Variants in HCN1 observed in about 807,000 individuals in gnomAD.
HCN1 encodes the protein hyperpolarization activated cyclic nucleotide gated potassium channel 1.
HCN1 carries 13 observed loss-of-function variants against 78.9 expected under a neutral mutation model. The observed-to-expected ratio is 0.16, with a 90% CI of 0.11 to 0.26. The LOEUF is 0.26. Among genes scored for constraint, HCN1 ranks in the 10% least tolerant of loss-of-function variants. The probability of loss-of-function intolerance (pLI) is 1.00; values close to 1 mark genes in which losing one functional copy is unlikely to be tolerated. For missense variants in HCN1, 810 were observed against 1,154.3 expected, an observed-to-expected ratio of 0.70 and a Z score of 4.32; for synonymous variants, 552 against 455.5, an observed-to-expected ratio of 1.21 and a Z score of -2.70.
chr5:45,665,241 T>C (rs1384157887), intron 1 of HCN1, among the ~76,000 whole-genome samples: 1 of 140,694 alleles, frequency 7.1e-6, no homozygotes, highest in Admixed American at 7.9e-5. Flanking sequence ...AGGTGGGAAT[T>C]GAACAATGAG....
chr5:45,578,887 A>G (rs2111916191), intron 2 of HCN1, among the ~76,000 whole-genome samples: 1 of 152,140 alleles, frequency 6.6e-6, no homozygotes, highest in South Asian at 2.1e-4. Flanking sequence ...AAATAATATA[A>G]TAAATTAAAA....
At chr5:45,342,878 C>G (rs1474638657) in intron 5 of HCN1, among the ~76,000 whole-genome samples, 5 of 151,780 alleles carry the variant, frequency 3.3e-5, no homozygotes. Context: ...AGGGGACTTT[C>G]AAGACAAAAG....
chr5:45,428,655 TTTAATA>T (rs1193074297), intron 3 of HCN1, among the ~76,000 whole-genome samples: 4 of 152,096 alleles, frequency 2.6e-5, no homozygotes, highest in African/African-American at 4.8e-5. Context: ...TTTGAACTGA[TTTAATA>T]TCTTTCATTT....
intron 4 of HCN1, among the ~76,000 whole-genome samples, chr5:45,359,523 T>A (rs1405734821): frequency 2.6e-5 from 4 of 151,770 alleles, no homozygotes; most frequent in African/African-American, 9.7e-5. Flanking sequence ...TACATTGGCA[T>A]CAATACACAT....
intron 2 of HCN1, among the ~76,000 whole-genome samples, chr5:45,529,407 C>T (rs1302864552): frequency 6.6e-6 from 1 of 151,896 alleles, no homozygotes; most frequent in Non-Finnish European, 1.5e-5. Flanking sequence ...TAGAAACTAG[C>T]ATGAGTTCTT....
At chr5:45,391,855 G>A (rs1037699810) in intron 4 of HCN1, among the ~76,000 whole-genome samples, 2 of 151,962 alleles carry the variant, frequency 1.3e-5, no homozygotes, top group Non-Finnish European at 2.9e-5. Flanking sequence ...GAGTAAATAC[G>A]GTAAACAAAT....
chr5:45,400,890 T>C (rs1336485046), intron 3 of HCN1, among the ~76,000 whole-genome samples: 1 of 152,130 alleles, frequency 6.6e-6, no homozygotes, highest in Non-Finnish European at 1.5e-5. Flanking sequence ...TCTGGCTTTT[T>C]TTCCCACAAA....
At chr5:45,534,419 A>AAAAAAAAAAAAAAAAAAAAAAAAAAAT (rs1742922744) in intron 2 of HCN1, among the ~76,000 whole-genome samples, 1 of 124,998 alleles carries the variant, frequency 8.0e-6, no homozygotes, top group Non-Finnish European at 1.8e-5. Flanking sequence ...AAAAAAAAAA[A>AAAAAAAAAAAAAAAAAAAAAAAAAAAT]AAAAAAAAAA....
At chr5:45,602,182 G>T (rs1744638392) in intron 2 of HCN1, among the ~76,000 whole-genome samples, 1 of 152,038 alleles carries the variant, frequency 6.6e-6, no homozygotes, top group Non-Finnish European at 1.5e-5. Context: ...CCAGTCTCAG[G>T]TATTTCTTCC....
chr5:45,357,548 T>C (rs1340565544), intron 4 of HCN1, among the ~76,000 whole-genome samples: 1 of 152,116 alleles, frequency 6.6e-6, no homozygotes, highest in Non-Finnish European at 1.5e-5. Context: ...TTAATATTTT[T>C]AGTTTAAAAA....
chr5:45,490,112 A>C (rs1411441756), intron 2 of HCN1, among the ~76,000 whole-genome samples: 1 of 152,314 alleles, frequency 6.6e-6, no homozygotes, highest in East Asian at 1.9e-4. Flanking sequence ...TTAAAAAGAA[A>C]ATTTCAAACA....
intron 3 of HCN1, among the ~76,000 whole-genome samples, chr5:45,460,718 G>A (rs188554967): frequency 1.1e-4 from 17 of 150,404 alleles, no homozygotes; most frequent in African/African-American, 4.1e-4. Flanking sequence ...AAAAAGGAAG[G>A]AAGGAAGGAG....
chr5:45,305,861 AGGAGGGAG>A lies in HCN1; in HGVS notation c.1378-2030_1378-2023del, dbSNP rs367614154. Among the ~76,000 whole-genome samples the A allele has an allele frequency of 2.1e-3, 305 of 146,032 alleles. 1 individual carries two copies. Among genetic ancestry groups the A allele is most frequent in the African/African-American group, 7.4e-3 (292 of 39,720 alleles). On this transcript the variant is annotated intron_variant, in intron 5 of 7. Transcript: ENST00000303230. ...AGGGAGGGAGGAAGGAAGGAAGGGA[AGGAGGGAG>A]GGAGGAAGGAAGGAAGGAAGGTGGA... is the stretch of plus-strand genomic sequence containing the variant.
rs981516764 is a variant in HCN1, at chr5:45,357,595, C to A, written c.1231-4349G>T. 4.6e-5 allele frequency among the ~76,000 whole-genome samples: 7 copies of A among 152,000 alleles called. No homozygotes were observed. In the East Asian group the frequency reaches 1.4e-3, roughly 29 times the overall value. On this transcript the variant is annotated intron_variant, in intron 4 of 7. Transcript: ENST00000303230. ...GAGATTTTTGAAAATGATTTTTAGG[C>A]CGCTTTTATTCTCCAAAATATGTGA... is the stretch of plus-strand genomic sequence containing the variant.
At chr5:45,496,063 T>C (rs1228456290) in intron 2 of HCN1, among the ~76,000 whole-genome samples, 2 of 152,150 alleles carry the variant, frequency 1.3e-5, no homozygotes, top group East Asian at 3.9e-4. Context: ...TAAAATTCTC[T>C]TTTTTGGTTG....
chr5:45,686,561 C>A (rs1300496880), intron 1 of HCN1, among the ~76,000 whole-genome samples: 1 of 152,132 alleles, frequency 6.6e-6, no homozygotes, highest in Non-Finnish European at 1.5e-5. Flanking sequence ...GACCAAATAA[C>A]CATTAGGTAC....
chr5:45,284,670 G>A (rs1012924265), intron 6 of HCN1, among the ~76,000 whole-genome samples: 1 of 152,086 alleles, frequency 6.6e-6, no homozygotes, highest in African/African-American at 2.4e-5. Context: ...TAATTTCCCA[G>A]CCGGGAGCTG....
rs777835772 is a variant in HCN1 at position 45,395,671 on chromosome 5, G to A, written c.1230+821C>T. On this transcript the variant is annotated intron_variant, in intron 4 of 7. Transcript: ENST00000303230. ...CATTTTAATCATTACTTTCAGAAAC[G>A]CTCTTTGGCAAGGTGCATGACTCTG... Among the ~76,000 whole-genome samples the A allele has an allele frequency of 9.2e-5, 14 of 152,058 alleles. No homozygotes were observed. The East Asian group carries it at 2.3e-3, about 25-fold the overall frequency.
chr5:45,374,453 G>A (rs1464165914), intron 4 of HCN1, among the ~76,000 whole-genome samples: 1 of 148,686 alleles, frequency 6.7e-6, no homozygotes, highest in Non-Finnish European at 1.5e-5. Context: ...GAATCAAGAA[G>A]AAATGTAATC....
Sources: gnomAD v4.1 joint callset for allele counts (sites outside exome capture counted in the v4.1 genomes callset) on GRCh38, gnomAD v4.1.1 for gene constraint, MANE v1.5 for transcripts, NCBI Gene and HGNC (gene_info 2026-07-23, HGNC 2026-07-21) for gene names.